Variants in TCTN2 observed in about 807,000 individuals in gnomAD.
TCTN2 encodes tectonic family member 2.
Under a neutral mutation model 83.4 loss-of-function variants are expected in TCTN2, and 66 were observed. The observed-to-expected ratio is 0.79, with a 90% CI of 0.65 to 0.97. The LOEUF is 0.97. Among genes scored for constraint, TCTN2 ranks in the 50% least tolerant of loss-of-function variants. The pLI is 0.00. For synonymous variants in TCTN2, 301 were observed against 326.7 expected (o/e 0.92, Z 0.85); for missense variants, 794 against 858.1 (o/e 0.93, Z 0.93).
intron 7 of TCTN2, among the ~76,000 whole-genome samples, chr12:123,688,565 T>C (rs535403984): frequency 1.2e-3 from 182 of 152,150 alleles, no homozygotes; most frequent in Middle Eastern, 3.4e-3. Flanking sequence ...TAAGTCATAT[T>C]TCTCTTTAAA....
chr12:123,673,952 C>T (rs1361241375), intron 4 of TCTN2, 142 bp downstream of exon 4: 46 of 790,606 alleles, frequency 5.8e-5, no homozygotes, highest in Non-Finnish European at 7.9e-5. Flanking sequence ...GAGCTGTGAT[C>T]GCGCCACTGC....
chr12:123,704,782 T>G, intron 15 of TCTN2, 94 bp downstream of exon 15: 1 of 1,400,940 alleles, frequency 7.1e-7, no homozygotes, highest in Admixed American at 1.8e-5. Context: ...AGAAACTGAT[T>G]GTTTATTTAC....
chr12:123,677,007 G>GT (rs1955831790), intron 4 of TCTN2, among the ~76,000 whole-genome samples: 1 of 152,032 alleles, frequency 6.6e-6, no homozygotes. Context: ...GTGAGACCCT[G>GT]TCTTTACAGA....
intron 5 of TCTN2, among the ~76,000 whole-genome samples, chr12:123,686,427 G>A (rs1035142410): frequency 2.0e-5 from 3 of 152,186 alleles, no homozygotes; most frequent in Non-Finnish European, 1.5e-5. Flanking sequence ...AATATGGAAC[G>A]TTTCCCCTCA....
intron 5 of TCTN2, among the ~76,000 whole-genome samples, chr12:123,680,520 CT>C (rs534432331): frequency 0.043 from 5,908 of 138,564 alleles, 195 homozygotes; most frequent in African/African-American, 0.085. Context: ...TTTTTTCTTT[CT>C]TTTTTTTTTT....
At position 123,704,675 on chromosome 12, in the gene TCTN2, G is replaced by A. The variant is rs199543783; in HGVS notation, c.1756G>A (p.Gly586Ser). ...AGGGATTACTCAGCAGGAGATACTC[G>A]GTGTAGAGACAAGGTATGATCACAT... ...VEGITQQEIL[G>S]VETRFSSVNW... is the part of the protein sequence containing the mutation. Residue 586 changes from glycine to serine, a missense_variant, in exon 15 of 18, where the codon GGT (glycine) becomes AGT (serine). Physicochemically the swap from Gly to Ser is moderately conservative, Grantham distance 56. Transcript: ENST00000303372. 57 of 1,613,166 alleles carry A rather than the reference G, an allele frequency of 3.5e-5. No homozygotes were observed. The highest frequency in any genetic ancestry group is 2.7e-5 in the African/African-American group (2 of 74,620).
At position 123,699,146 on chromosome 12, in the gene TCTN2, G is replaced by A. The variant is rs867689860; in HGVS notation, c.1506-558G>A. 2.9e-4 allele frequency among the ~76,000 whole-genome samples: 43 copies of A among 148,498 alleles called. No individual in the cohort carries two copies. In the Middle Eastern group the frequency reaches 0.01, roughly 36 times the overall value. On this transcript the variant is annotated intron_variant, in intron 13 of 17. Coordinates refer to ENST00000303372, the MANE Select transcript of TCTN2 (RefSeq NM_024809.5). ...GTGAACCATGTGATTCCCAACTTAA[G>A]TTACTAACATTTTTTTTTTTTTTTT... is the stretch of plus-strand genomic sequence containing the variant.
chr12:123,679,419 T>A, intron 5 of TCTN2, 130 bp downstream of exon 5: 1 of 832,400 alleles, frequency 1.2e-6, no homozygotes, highest in Non-Finnish European at 2.0e-6. Context: ...TGGAGTATGG[T>A]GATGCAATGA....
intron 14 of TCTN2, among the ~76,000 whole-genome samples, chr12:123,700,474 C>G (rs1956159720): frequency 6.6e-6 from 1 of 152,252 alleles, no homozygotes; most frequent in African/African-American, 2.4e-5. Flanking sequence ...CTCTTGTCAC[C>G]CATGCTGGAG....
At chr12:123,676,920 G>A (rs1369958412) in intron 4 of TCTN2, among the ~76,000 whole-genome samples, 5 of 152,190 alleles carry the variant, frequency 3.3e-5, no homozygotes, top group Admixed American at 1.3e-4. Context: ...TACTATGCCT[G>A]TAATTCCAGC....
intron 4 of TCTN2, among the ~76,000 whole-genome samples, chr12:123,677,284 T>C (rs1955835382): frequency 6.6e-6 from 1 of 152,236 alleles, no homozygotes; most frequent in Non-Finnish European, 1.5e-5. Flanking sequence ...GACCTTCTCC[T>C]TGTTCCGGAT....
chr12:123,679,094 G>A, intron 4 of TCTN2, 95 bp from the exon 5 acceptor site: 1 of 1,189,848 alleles, frequency 8.4e-7, no homozygotes, highest in Non-Finnish European at 1.2e-6. Context: ...ACCGCGCCTG[G>A]CCGATAATTC....
intron 5 of TCTN2, among the ~76,000 whole-genome samples, chr12:123,679,625 A>G (rs376429145): frequency 6.6e-6 from 1 of 152,148 alleles, no homozygotes; most frequent in Non-Finnish European, 1.5e-5. Context: ...TGGCCTCCCA[A>G]AATGTTGGGA....
intron 16 of TCTN2, 45 bp downstream of exon 16, chr12:123,706,896 A>G (rs145788414): frequency 3.7e-6 from 6 of 1,614,088 alleles, no homozygotes; most frequent in Admixed American, 1.7e-5. Flanking sequence ...GCAGAAAAAT[A>G]TATATTTGAA....
chr12:123,705,441 A>G (rs573483203), intron 15 of TCTN2, among the ~76,000 whole-genome samples: 7 of 152,222 alleles, frequency 4.6e-5, no homozygotes, highest in African/African-American at 7.2e-5. Context: ...GATTACAGGC[A>G]TGAGCCACCG....
chr12:123,696,286 T>C (rs1007896718), intron 11 of TCTN2, 129 bp from the exon 12 acceptor site: 5 of 764,436 alleles, frequency 6.5e-6, no homozygotes, highest in Middle Eastern at 2.5e-4. Flanking sequence ...CATCTTTCTC[T>C]CAAGGGTATT....
chr12:123,682,688 G>T (rs1955913937), intron 5 of TCTN2, among the ~76,000 whole-genome samples: 1 of 151,352 alleles, frequency 6.6e-6, no homozygotes, highest in African/African-American at 2.4e-5. Context: ...CACCATGTTG[G>T]CCAGGCTGGT....
chr12:123,677,491 G>A (rs529287364), intron 4 of TCTN2, among the ~76,000 whole-genome samples: 1 of 152,194 alleles, frequency 6.6e-6, no homozygotes, highest in South Asian at 2.1e-4. Flanking sequence ...TCTGATAAAT[G>A]ATTGGAGAGA....
rs1374327892 is a variant in TCTN2, at chr12:123,694,992, G to A, written c.1234+16G>A. The A allele has an allele frequency of 6.2e-7, 1 of 1,612,434 alleles. No homozygotes were observed. Among genetic ancestry groups the A allele is most frequent in the Non-Finnish European group, 8.5e-7 (1 of 1,179,260 alleles). On this transcript the variant is annotated intron_variant, in intron 10 of 17. Transcript: ENST00000303372. ...CACCAGAAAGGTAACTTTGATGAGGGTAGCAAGCATGCTTTCACTGAAAAG... is the reference window on the plus strand; with the variant it reads ...CACCAGAAAGGTAACTTTGATGAGGATAGCAAGCATGCTTTCACTGAAAAG...
Sources: gnomAD v4.1 joint callset for allele counts (sites outside exome capture counted in the v4.1 genomes callset) on GRCh38, gnomAD v4.1.1 for gene constraint, MANE v1.5 for transcripts, NCBI Gene and HGNC (gene_info 2026-07-23, HGNC 2026-07-21) for gene names.